The following DNMT1 variants were observed in gnomAD, a reference collection of about 807,000 sequenced individuals.
The protein encoded by DNMT1 is DNA (cytosine-5)-methyltransferase 1.
In DNMT1, 24 loss-of-function variants were observed where a neutral mutation model predicts 205.3. The observed-to-expected ratio is 0.12, with a 90% CI of 0.08 to 0.16. The LOEUF (loss-of-function observed/expected upper bound fraction) is 0.16. DNMT1 is among the 10% of genes least tolerant of loss of function. The pLI, the probability that DNMT1 is intolerant of heterozygous loss-of-function variation, is 1.00. For synonymous variants in DNMT1, 817 were observed against 839.8 expected (o/e 0.97, Z 0.47); for missense variants, 1,293 against 2,177.7 (o/e 0.59, Z 8.09).
intron 10 of DNMT1, among the ~76,000 whole-genome samples, chr19:10,167,236 C>T (rs576209975): frequency 1.3e-5 from 2 of 151,880 alleles, no homozygotes; most frequent in Non-Finnish European, 2.9e-5. Context: ...CGCTCTATCA[C>T]CTACCCTGGA....
At chr19:10,182,574 G>A (rs1200289717) in intron 1 of DNMT1, among the ~76,000 whole-genome samples, 1 of 149,382 alleles carries the variant, frequency 6.7e-6, no homozygotes, top group Non-Finnish European at 1.5e-5. Context: ...CACACACACA[G>A]CAGCTCTGTA....
chr19:10,194,202 AG>A (rs2039357296), intron 1 of DNMT1, among the ~76,000 whole-genome samples: 1 of 152,216 alleles, frequency 6.6e-6, no homozygotes, highest in African/African-American at 2.4e-5. Context: ...GACTTTCCCA[AG>A]GAGCAAGAAC....
At chr19:10,141,927 T>G in intron 30 of DNMT1, 101 bp downstream of exon 30, 1 of 1,434,712 alleles carries the variant, frequency 7.0e-7, no homozygotes, top group South Asian at 1.3e-5. Flanking sequence ...TTACAAAAGC[T>G]GAAACCCTGC....
intron 22 of DNMT1, among the ~76,000 whole-genome samples, chr19:10,152,270 TAA>T (rs372986537): frequency 7.2e-5 from 7 of 97,700 alleles, no homozygotes; most frequent in East Asian, 5.2e-4. Flanking sequence ...CTCAAAAAAT[TAA>T]AAAAAAAAAA....
chr19:10,188,484 G>A (rs1599408685), intron 1 of DNMT1, among the ~76,000 whole-genome samples: 1 of 152,114 alleles, frequency 6.6e-6, no homozygotes, highest in Non-Finnish European at 1.5e-5. Context: ...AAGTTGCAGT[G>A]AGCCGAGATC....
Position 10,156,471 on chromosome 19 carries a change from G to A in DNMT1, c.1319C>T (p.Thr440Ile). The A allele has an allele frequency of 6.2e-7, 1 of 1,613,520 alleles. No homozygotes were observed. The highest frequency in any genetic ancestry group is 8.5e-7 in the Non-Finnish European group (1 of 1,179,632). ...CKHGHLCPIDTGLIEKNIELF... is the reference protein window; with the variant it reads ...CKHGHLCPIDIGLIEKNIELF... Reference sequence around the variant, plus strand: ...TTCGATATTCTTCTCGATGAGGCCGGTGTCGATGGGACACAGGTGACCGTG... The same window carrying A: ...TTCGATATTCTTCTCGATGAGGCCGATGTCGATGGGACACAGGTGACCGTG... The change falls in exon 18 of 41, where the codon ACC becomes ATC. Residue 440 changes from threonine to isoleucine, a missense_variant. Transcript: ENST00000359526. This position sits in a 1 kb window ranked among gnomAD's most constrained non-coding sequence, Gnocchi z 4.2.
At position 10,156,618 on chromosome 19, in the gene DNMT1, C is replaced by G. The variant is rs2038462714; in HGVS notation, c.1281-109G>C. The G allele has an allele frequency of 3.6e-6, 3 of 822,604 alleles. No individual in the cohort carries two copies. The highest frequency in any genetic ancestry group is 2.7e-5 in the South Asian group (2 of 73,182). 51.0% of individuals were successfully genotyped at this position (822,604 alleles called of 1,614,324 possible). ...TGAGAGAATGTACAAGTCTGACACTCTTTTTTTGTTTGTTTTTGAGACAGA... is the reference window on the plus strand; with the variant it reads ...TGAGAGAATGTACAAGTCTGACACTGTTTTTTTGTTTGTTTTTGAGACAGA... On this transcript the variant is annotated intron_variant, in intron 17 of 40. Coordinates refer to ENST00000359526, the MANE Select transcript of DNMT1 (RefSeq NM_001130823.3). The surrounding 1 kb of genome is among the most constrained non-coding windows in gnomAD (Gnocchi z 4.2).
Position 10,134,248 on chromosome 19 carries a change from A to G in DNMT1, c.4833T>C (p.Cys1611=). ...CACTCTCTCGGGCTTTGGCCAACAT[A>G]CAAAGCTTGATCTCCAAGCCAATGG... is the stretch of plus-strand genomic sequence containing the variant. The part of the protein sequence containing the change: ...AKAIGLEIKL[C]MLAKARESAS... The change falls in exon 40 of 41, where the codon TGT becomes TGC. Residue 1611 remains cysteine (C), a synonymous_variant. Transcript: ENST00000359526. The G allele has an allele frequency of 1.9e-6, 3 of 1,614,160 alleles. No homozygotes were observed. The highest frequency in any genetic ancestry group is 2.5e-6 in the Non-Finnish European group (3 of 1,180,048).
In DNMT1 at chr19:10,137,371, C is replaced by A. The variant is rs2089507291; in HGVS notation, c.4294-91G>T. On this transcript the variant is annotated intron_variant, in intron 36 of 40. Coordinates refer to ENST00000359526, the MANE Select transcript of DNMT1 (RefSeq NM_001130823.3). The surrounding 1 kb of genome is among the most constrained non-coding windows in gnomAD (Gnocchi z 6.4). ...TGGGAGCTGGGAACACCATGGTGAC[C>A]AGGAAGCCCCCTGGGGCTCACGCCC... The A allele has an allele frequency of 1.2e-5, 17 of 1,473,946 alleles. No individual in the cohort carries two copies. The highest frequency in any genetic ancestry group is 1.4e-5 in the Non-Finnish European group (15 of 1,090,958). The allele number at this position is 1,473,946 out of a possible 1,614,324, so 91.3% of individuals were successfully genotyped here.
chr19:10,150,243 C>T (rs139040876), intron 24 of DNMT1, among the ~76,000 whole-genome samples: 2 of 152,348 alleles, frequency 1.3e-5, no homozygotes, highest in Non-Finnish European at 2.9e-5. Flanking sequence ...TTGATTTTAA[C>T]AGCACAGCCC....
Position 10,135,821 on chromosome 19 carries a change from A to G in DNMT1, c.4688T>C (p.Val1563Ala). ...GRVLHPEQHR[V>A]VSVRECARSQ... ...GCGGGCACACTCCCGCACGCTCACC[A>G]CACGGTGCTGCTCTGGGTGGAGCAC... The change falls in exon 39 of 41, where the codon GTG (valine) becomes GCG (alanine). Residue 1563 changes from valine (V) to alanine (A), a missense_variant. Physicochemically the swap from Val to Ala is moderately conservative, Grantham distance 64. Around this residue, in one of 13 missense-constraint regions of DNMT1, gnomAD observed 24 missense variants for 58.0 expected, o/e 0.41. Transcript: ENST00000359526. The G allele has an allele frequency of 6.4e-7, 1 of 1,567,530 alleles. No homozygotes were observed. Among genetic ancestry groups the G allele is most frequent in the African/African-American group, 1.3e-5 (1 of 74,088 alleles).
At chr19:10,167,490 C>T (rs996594314) in intron 10 of DNMT1, among the ~76,000 whole-genome samples, 3 of 152,200 alleles carry the variant, frequency 2.0e-5, no homozygotes, top group Non-Finnish European at 4.4e-5. Context: ...AGCTACTGCA[C>T]CTGGCCCAAC....
At chr19:10,144,086 C>T (rs1264476138) in intron 28 of DNMT1, 99 bp from the exon 29 acceptor site, 1 of 1,211,790 alleles carries the variant, frequency 8.3e-7, no homozygotes, top group African/African-American at 1.5e-5. Context: ...AAGTCAAGCA[C>T]CTGATGAATT....
In DNMT1 at chr19:10,164,606, T is replaced by A. The variant is rs557681339; in HGVS notation, c.892-1246A>T. On this transcript the variant is annotated intron_variant, in intron 11 of 40. Coordinates refer to ENST00000359526, the MANE Select transcript of DNMT1 (RefSeq NM_001130823.3). ...CTCTAGCCTGGGAAACAGAGCAAGA[T>A]CCTGTCTCAAAAACAAACAAACAAA... is the stretch of plus-strand genomic sequence containing the variant. Among the ~76,000 whole-genome samples, 12 of 151,648 alleles carry A rather than the reference T, an allele frequency of 7.9e-5. No homozygotes were observed. In the South Asian group the frequency reaches 2.5e-3, roughly 32 times the overall value.
Position 10,143,950 on chromosome 19 carries a change from C to T in DNMT1, c.2932G>A (p.Glu978Lys). ...LSSPVKRPRK[E>K]PVDEDLYPEH... Reference sequence around the variant, plus strand: ...GGGTACAGGTCCTCATCCACGGGCTCCTTCCGTGGGCGTTTCACGGGACTG... The same window carrying T: ...GGGTACAGGTCCTCATCCACGGGCTTCTTCCGTGGGCGTTTCACGGGACTG... The change falls in exon 29 of 41, where the codon GAG (glutamate) becomes AAG (lysine). Residue 978 changes from glutamate (E) to lysine (K), a missense_variant. Transcript: ENST00000359526. The T allele has an allele frequency of 6.2e-7, 1 of 1,614,064 alleles. No individual in the cohort carries two copies. Among genetic ancestry groups the T allele is most frequent in the Non-Finnish European group, 8.5e-7 (1 of 1,180,008 alleles).
At position 10,143,383 on chromosome 19, in the gene DNMT1, T is replaced by A. The variant is rs571909533; in HGVS notation, c.3116+383A>T. Among the ~76,000 whole-genome samples, 789 of 144,358 alleles carry A rather than the reference T, an allele frequency of 5.5e-3. 15 individuals are homozygous for A. Among genetic ancestry groups the A allele is most frequent in the East Asian group, 0.036 (168 of 4,694 alleles). 94.7% of individuals were successfully genotyped at this position (144,358 alleles called of 152,430 possible). ...GGCGTGTGCCACCACGCCCAGCTAG[T>A]CTTTTTTTTTTTTTTTTTTTGGTAG... is the stretch of plus-strand genomic sequence containing the variant. On this transcript the variant is annotated intron_variant, in intron 29 of 40. Transcript: ENST00000359526.
In DNMT1 at chr19:10,154,490, G is replaced by A. The variant is rs1374540618; in HGVS notation, c.1833-11C>T. 5.0e-6 allele frequency: 8 copies of A among 1,614,082 alleles called. No individual in the cohort carries two copies. The highest frequency in any genetic ancestry group is 1.3e-5 in the African/African-American group (1 of 74,928). On this transcript the variant is annotated splice_polypyrimidine_tract_variant and intron_variant, in intron 21 of 40. Transcript: ENST00000359526. This position sits in a 1 kb window ranked among gnomAD's most constrained non-coding sequence, Gnocchi z 6.3. ...CTCGCCTGGGCTCGCCTACGGGAGAGGTTCCAGCATCTCAGAGGACTGGGA... is the reference window on the plus strand; with the variant it reads ...CTCGCCTGGGCTCGCCTACGGGAGAAGTTCCAGCATCTCAGAGGACTGGGA...
chr19:10,151,047 A>G lies in DNMT1; in HGVS notation c.2265+351T>C, dbSNP rs2038332232. Among the ~76,000 whole-genome samples, 2 of 152,204 alleles carry G rather than the reference A, an allele frequency of 1.3e-5. No homozygotes were observed. The highest frequency in any genetic ancestry group is 4.8e-5 in the African/African-American group (2 of 41,446). On this transcript the variant is annotated intron_variant, in intron 24 of 40. Transcript: ENST00000359526. This position sits in a 1 kb window ranked among gnomAD's most constrained non-coding sequence, Gnocchi z 5.0. ...GAGGCAGAGGTTGCAGCGAGCTGAG[A>G]TCGTGCCACTGCACTCCAGCCTGGG...
At chr19:10,177,713 C>A (rs1224604985) in intron 5 of DNMT1, among the ~76,000 whole-genome samples, 1 of 151,962 alleles carries the variant, frequency 6.6e-6, no homozygotes, top group African/African-American at 2.4e-5. Context: ...GGAAAATAAT[C>A]CAAGCTCAGG....
Sources: gnomAD v4.1 joint callset for allele counts (sites outside exome capture counted in the v4.1 genomes callset) on GRCh38, gnomAD v4.1.1 for gene constraint, gnomAD v4.1.1 regional missense constraint, Gnocchi (gnomAD v3.1) non-coding constraint, MANE v1.5 for transcripts, NCBI Gene and HGNC (gene_info 2026-07-23, HGNC 2026-07-21) for gene names.